Variants in CTNNA2 observed in about 807,000 individuals in gnomAD.
CTNNA2 encodes the protein catenin alpha 2.
Under a neutral mutation model 101.0 loss-of-function variants are expected in CTNNA2, and 42 were observed. The observed-to-expected ratio is 0.42, with a 90% CI of 0.32 to 0.54. The LOEUF is 0.54. Among genes scored for constraint, CTNNA2 ranks in the 20% least tolerant of loss-of-function variants. CTNNA2 has a pLI of 0.14. For missense variants in CTNNA2, 871 were observed against 1,223.1 expected (o/e 0.71, Z 4.29); for synonymous variants, 450 against 456.4 (o/e 0.99, Z 0.18).
At chr2:79,305,373 C>T (rs907617659) in intron 2 of CTNNA2, among the ~76,000 whole-genome samples, 7 of 138,244 alleles carry the variant, frequency 5.1e-5, no homozygotes, top group East Asian at 2.2e-4. Flanking sequence ...TATATATACA[C>T]ATATATATAT....
intron 1 of CTNNA2, among the ~76,000 whole-genome samples, chr2:79,515,900 C>G (rs748121984): frequency 6.6e-6 from 1 of 152,164 alleles, no homozygotes. Context: ...CTCTGTGTCT[C>G]CCTCCCTCAG....
At chr2:79,480,064 T>C (rs185301522) in intron 4 of CTNNA2, among the ~76,000 whole-genome samples, 4 of 151,782 alleles carry the variant, frequency 2.6e-5, no homozygotes, top group Non-Finnish European at 5.9e-5. Flanking sequence ...CCACTCATGG[T>C]GGAAGGAAAA....
At chr2:80,498,615 T>A (rs554665004) in intron 9 of CTNNA2, among the ~76,000 whole-genome samples, 1 of 152,346 alleles carries the variant, frequency 6.6e-6, no homozygotes, top group South Asian at 2.1e-4. Flanking sequence ...AAATTTCATA[T>A]TGTTTTTCCA....
At chr2:79,299,613 G>C (rs1009325466) in intron 2 of CTNNA2, among the ~76,000 whole-genome samples, 1 of 152,170 alleles carries the variant, frequency 6.6e-6, no homozygotes, top group African/African-American at 2.4e-5. Flanking sequence ...GCACAAAGCA[G>C]CAAATATGAG....
chr2:79,982,632 A>T (rs1347533417), intron 7 of CTNNA2, among the ~76,000 whole-genome samples: 1 of 151,852 alleles, frequency 6.6e-6, no homozygotes, highest in Non-Finnish European at 1.5e-5. Context: ...TTTCCTACTC[A>T]GTGTAAAATG....
At chr2:80,053,158 T>C (rs1019929496) in intron 7 of CTNNA2, among the ~76,000 whole-genome samples, 7 of 152,220 alleles carry the variant, frequency 4.6e-5, no homozygotes, top group Non-Finnish European at 1.0e-4. Context: ...TTATGGCCTA[T>C]CTTTATACTC....
intron 3 of CTNNA2, among the ~76,000 whole-genome samples, chr2:79,831,907 T>C (rs1678959205): frequency 1.3e-5 from 2 of 152,330 alleles, no homozygotes; most frequent in South Asian, 4.1e-4. Context: ...GAATAATTTC[T>C]GCATTTTGTT....
At chr2:80,317,385 G>C (rs761617400) in intron 7 of CTNNA2, among the ~76,000 whole-genome samples, 1 of 152,030 alleles carries the variant, frequency 6.6e-6, no homozygotes, top group Non-Finnish European at 1.5e-5. Flanking sequence ...TCCACTTTCA[G>C]AATATACAAA....
chr2:79,963,062 C>T (rs1347674998), intron 7 of CTNNA2, among the ~76,000 whole-genome samples: 31 of 107,518 alleles, frequency 2.9e-4, no homozygotes, highest in African/African-American at 1.1e-3. Context: ...CAGAGCCAGA[C>T]TCCGTCTCAA....
At chr2:79,671,382 C>A (rs1296256598) in intron 2 of CTNNA2, among the ~76,000 whole-genome samples, 3 of 152,108 alleles carry the variant, frequency 2.0e-5, no homozygotes, top group African/African-American at 7.2e-5. Context: ...TCCCCAATAC[C>A]CTCTGCCTCT....
intron 2 of CTNNA2, among the ~76,000 whole-genome samples, chr2:79,299,703 A>G (rs545998784): frequency 6.6e-6 from 1 of 152,348 alleles, no homozygotes; most frequent in South Asian, 2.1e-4. Flanking sequence ...CTTCTGACCT[A>G]ATAATAAATA....
intron 3 of CTNNA2, among the ~76,000 whole-genome samples, chr2:79,341,323 A>C (rs1677132226): frequency 6.6e-6 from 1 of 152,212 alleles, no homozygotes; most frequent in Admixed American, 6.5e-5. Context: ...GAATTAGTGG[A>C]TATGGAACAT....
chr2:79,818,924 C>G (rs1267092191), intron 3 of CTNNA2, among the ~76,000 whole-genome samples: 1 of 138,738 alleles, frequency 7.2e-6, no homozygotes, highest in East Asian at 2.3e-4. Flanking sequence ...CACACACATA[C>G]ACACAAAAGT....
At chr2:79,757,854 T>C (rs1487765144) in intron 3 of CTNNA2, among the ~76,000 whole-genome samples, 2 of 152,154 alleles carry the variant, frequency 1.3e-5, no homozygotes, top group Non-Finnish European at 2.9e-5. Context: ...CATTCCAGCA[T>C]TGCTATGCAG....
chr2:79,905,276 T>C (rs981017984), intron 6 of CTNNA2, among the ~76,000 whole-genome samples: 1 of 151,744 alleles, frequency 6.6e-6, no homozygotes, highest in East Asian at 1.9e-4. Context: ...ACTTAAAACA[T>C]AAGAAAAAGA....
intron 7 of CTNNA2, among the ~76,000 whole-genome samples, chr2:80,006,752 A>G (rs1444595507): frequency 6.6e-6 from 1 of 152,184 alleles, no homozygotes; most frequent in Non-Finnish European, 1.5e-5. Flanking sequence ...TGGAATGACT[A>G]AAAGTCCAGG....
chr2:79,546,545 T>A (rs1339064551), intron 1 of CTNNA2, among the ~76,000 whole-genome samples: 1 of 152,214 alleles, frequency 6.6e-6, no homozygotes, highest in African/African-American at 2.4e-5. Context: ...AATCTGTAGC[T>A]GCTCTTTTAA....
At chr2:80,213,773 A>G (rs1267344903) in intron 7 of CTNNA2, among the ~76,000 whole-genome samples, 3 of 152,038 alleles carry the variant, frequency 2.0e-5, no homozygotes, top group Non-Finnish European at 4.4e-5. Flanking sequence ...TATCCTTGTT[A>G]ACTTTCTGTC....
At position 79,945,842 on chromosome 2, in the gene CTNNA2, A is replaced by G. The variant is rs192485772; in HGVS notation, c.1056+36045A>G. Among the ~76,000 whole-genome samples the G allele has an allele frequency of 1.8e-4, 28 of 152,258 alleles. 1 individual carries two copies. The highest frequency in any genetic ancestry group is 1.1e-3 in the Admixed American group (17 of 15,296). ...AAGAATCCAATGGTCAAGACGGTCT[A>G]TTAGGGGAGGCTCCCAAGTGCTTCA... is the stretch of plus-strand genomic sequence containing the variant. On this transcript the variant is annotated intron_variant, in intron 7 of 18. Transcript: ENST00000402739.
Sources: allele counts gnomAD v4.1 joint callset (sites outside exome capture counted in the v4.1 genomes callset), GRCh38; gene constraint gnomAD v4.1.1; transcripts MANE v1.5; gene names NCBI Gene and HGNC (gene_info 2026-07-23, HGNC 2026-07-21).